CYFIP2: variants seen among roughly 807,000 people sequenced by gnomAD.
CYFIP2 encodes the protein cytoplasmic FMR1 interacting protein 2.
A neutral mutation model predicts 158.7 loss-of-function variants in CYFIP2; 29 were observed. That is an observed-to-expected ratio of 0.18 (90% CI 0.14 to 0.25). CYFIP2 has a LOEUF of 0.25. Ranked by LOEUF, CYFIP2 falls within the 10% of genes least tolerant of loss-of-function variation. CYFIP2 has a pLI of 1.00. For missense variants in CYFIP2, 852 were observed against 1,639.5 expected, an observed-to-expected ratio of 0.52 and a Z score of 8.29; for synonymous variants, 585 against 617.6, an observed-to-expected ratio of 0.95 and a Z score of 0.78.
chr5:157,299,687 G>A (rs1013876527), intron 5 of CYFIP2, among the ~76,000 whole-genome samples: 1 of 152,080 alleles, frequency 6.6e-6, no homozygotes, highest in Non-Finnish European at 1.5e-5. Context: ...GATCACTTGA[G>A]GTCAGGAGTT....
chr5:157,331,974 T>A (rs1761497895), intron 20 of CYFIP2, among the ~76,000 whole-genome samples: 2 of 152,258 alleles, frequency 1.3e-5, no homozygotes, highest in South Asian at 4.1e-4. Flanking sequence ...CCTTAAGTTA[T>A]ATTTTCCATT....
intron 15 of CYFIP2, chr5:157,322,874 C>T: frequency 4.2e-6 from 6 of 1,416,656 alleles, no homozygotes; most frequent in African/African-American, 1.4e-5. Flanking sequence ...CTCTCTTTCT[C>T]TCTCTCCCTC....
chr5:157,334,292 T>C (rs772180659), intron 21 of CYFIP2, among the ~76,000 whole-genome samples: 6 of 152,208 alleles, frequency 3.9e-5, no homozygotes, highest in East Asian at 1.9e-4. Context: ...AGAGTTTCAG[T>C]TGGAGAAGGT....
At chr5:157,314,602 A>G in intron 12 of CYFIP2, 139 bp downstream of exon 12, 2 of 1,285,238 alleles carry the variant, frequency 1.6e-6, no homozygotes, top group Non-Finnish European at 2.1e-6. Context: ...TTTAAAGTAT[A>G]AGTTCATTGG....
chr5:157,373,450 C>A (rs931639665), intron 26 of CYFIP2, among the ~76,000 whole-genome samples: 3 of 152,150 alleles, frequency 2.0e-5, no homozygotes, highest in Admixed American at 1.3e-4. Flanking sequence ...AGACTCGCTC[C>A]ATGGGTTTGG....
intron 1 of CYFIP2, among the ~76,000 whole-genome samples, chr5:157,274,647 A>C (rs567003554): frequency 3.9e-5 from 6 of 152,198 alleles, no homozygotes; most frequent in African/African-American, 9.6e-5. Flanking sequence ...AGGAAATACC[A>C]ATCGATTTTC....
chr5:157,304,016 G>A (rs1440499317), intron 7 of CYFIP2, among the ~76,000 whole-genome samples: 1 of 152,170 alleles, frequency 6.6e-6, no homozygotes, highest in Non-Finnish European at 1.5e-5. Context: ...TAAAATAGGG[G>A]GTGAGTTCCT....
intron 26 of CYFIP2, among the ~76,000 whole-genome samples, chr5:157,369,364 CA>C (rs1157721066): frequency 6.6e-6 from 1 of 152,092 alleles, no homozygotes; most frequent in Non-Finnish European, 1.5e-5. Context: ...TGGCATAAAA[CA>C]AGAACTGATC....
chr5:157,390,856 C>T (rs546253092), intron 30 of CYFIP2, among the ~76,000 whole-genome samples, 188 bp downstream of exon 30: 2 of 152,194 alleles, frequency 1.3e-5, no homozygotes, highest in Non-Finnish European at 2.9e-5. Flanking sequence ...TCATCACCTA[C>T]TGCCATGAAT....
chr5:157,311,439 C>T lies in CYFIP2; in HGVS notation c.993-225C>T. 3.5e-6 allele frequency: 2 copies of T among 568,120 alleles called. No homozygotes were observed. The allele number at this position is 568,120 out of a possible 1,614,324, so 35.2% of individuals were successfully genotyped here. Reference sequence around the variant, plus strand: ...ATCTGGAAAGGCCTACAGTTGGATCCTAGATGAGGCTGGCACCAAAGAGGA... The same window carrying T: ...ATCTGGAAAGGCCTACAGTTGGATCTTAGATGAGGCTGGCACCAAAGAGGA... On this transcript the variant is annotated intron_variant, in intron 10 of 30. Coordinates refer to ENST00000620254, the MANE Select transcript of CYFIP2 (RefSeq NM_001037333.3). The surrounding 1 kb of genome is among the most constrained non-coding windows in gnomAD (Gnocchi z 4.7).
In CYFIP2 at chr5:157,393,106, C is replaced by G. The variant is rs1767468268; in HGVS notation, c.*106C>G. On this transcript the variant is annotated 3_prime_UTR_variant, in exon 31 of 31. Coordinates refer to ENST00000620254, the MANE Select transcript of CYFIP2 (RefSeq NM_001037333.3). The stretch of plus-strand genomic sequence containing the variant: ...CAACTGGACAACGTGTGGGATGGAC[C>G]TGGAAACAAGCACCTCCCCAAACAC... The G allele has an allele frequency of 7.3e-7, 1 of 1,366,078 alleles. No homozygotes were observed. The highest frequency in any genetic ancestry group is 2.4e-5 in the East Asian group (1 of 41,198). 84.6% of individuals were successfully genotyped at this position (1,366,078 alleles called of 1,614,324 possible).
intron 18 of CYFIP2, among the ~76,000 whole-genome samples, chr5:157,326,602 C>T (rs1761037709): frequency 1.3e-5 from 2 of 152,228 alleles, no homozygotes; most frequent in Admixed American, 1.3e-4. Flanking sequence ...TAGGGTCACA[C>T]ACACCCATAG....
intron 21 of CYFIP2, 105 bp downstream of exon 21, chr5:157,333,551 A>G: frequency 2.7e-6 from 4 of 1,489,976 alleles, no homozygotes; most frequent in Non-Finnish European, 3.7e-6. Flanking sequence ...AAAGAGGGGC[A>G]GTGAGTCTCT....
intron 23 of CYFIP2, among the ~76,000 whole-genome samples, chr5:157,349,599 C>G (rs878933407): frequency 6.6e-6 from 1 of 152,118 alleles, no homozygotes; most frequent in Non-Finnish European, 1.5e-5. Flanking sequence ...ATATCCTTTT[C>G]GAATGATTTC....
intron 16 of CYFIP2, chr5:157,325,010 T>G (rs974641713): frequency 5.3e-5 from 8 of 152,014 alleles, no homozygotes; most frequent in Non-Finnish European, 1.2e-4. Flanking sequence ...TATTATTTTT[T>G]GGTATTTTTA....
In CYFIP2 at chr5:157,330,723, TC is replaced by T; in HGVS notation, c.2157-18del. The T allele has an allele frequency of 6.2e-7, 1 of 1,605,992 alleles. No individual in the cohort carries two copies. Among genetic ancestry groups the T allele is most frequent in the Non-Finnish European group, 8.5e-7 (1 of 1,172,670 alleles). ...TCACAATCTGTTTACTGGCCTTGTT[TC>T]ACTTTTATTCCTTGCAGTGTCCTGT... On this transcript the variant is annotated intron_variant, in intron 19 of 30. Coordinates refer to ENST00000620254, the MANE Select transcript of CYFIP2 (RefSeq NM_001037333.3).
At chr5:157,315,637 AT>A (rs571778133) in intron 13 of CYFIP2, among the ~76,000 whole-genome samples, 126 of 152,330 alleles carry the variant, frequency 8.3e-4, no homozygotes, top group Middle Eastern at 3.4e-3. Flanking sequence ...CTGGGACTAT[AT>A]CCCAAGGAAA....
intron 23 of CYFIP2, among the ~76,000 whole-genome samples, chr5:157,353,106 A>G (rs905249103): frequency 6.6e-6 from 1 of 152,206 alleles, no homozygotes; most frequent in African/African-American, 2.4e-5. Flanking sequence ...GAGAGAATAC[A>G]TTGCTGTTGT....
intron 4 of CYFIP2, among the ~76,000 whole-genome samples, chr5:157,295,655 T>C (rs1046032458): frequency 1.3e-5 from 2 of 152,282 alleles, no homozygotes; most frequent in Non-Finnish European, 2.9e-5. Context: ...CTTTGTTTCC[T>C]GGTTACATAA....
Sources: allele counts gnomAD v4.1 joint callset (sites outside exome capture counted in the v4.1 genomes callset), GRCh38; gene constraint gnomAD v4.1.1; non-coding constraint Gnocchi (gnomAD v3.1); transcripts MANE v1.5; gene names NCBI Gene and HGNC (gene_info 2026-07-23, HGNC 2026-07-21).